ROBO2: variants seen among roughly 807,000 people sequenced by gnomAD.
The protein encoded by ROBO2 is roundabout homolog 2.
In ROBO2, 53 loss-of-function variants were observed where a neutral mutation model predicts 160.8. That is an observed-to-expected ratio of 0.33 (90% CI 0.26 to 0.41). The LOEUF is 0.41. Among genes scored for constraint, ROBO2 ranks in the 10% least tolerant of loss-of-function variants. The pLI, the probability that ROBO2 is intolerant of heterozygous loss-of-function variation, is 1.00. For synonymous variants in ROBO2, 664 were observed against 611.7 expected (o/e 1.09, Z -1.26); for missense variants, 1,577 against 1,722.4 (o/e 0.92, Z 1.49).
At chr3:76,705,450 G>C (rs767353363) in intron 2 of ROBO2, among the ~76,000 whole-genome samples, 2 of 152,114 alleles carry the variant, frequency 1.3e-5, no homozygotes, top group Non-Finnish European at 2.9e-5. Context: ...CTGATAGAGA[G>C]TGTACATTCA....
At chr3:76,374,030 G>A (rs1440047157) in intron 2 of ROBO2, among the ~76,000 whole-genome samples, 1 of 151,874 alleles carries the variant, frequency 6.6e-6, no homozygotes, top group Non-Finnish European at 1.5e-5. Flanking sequence ...GGAGTTCCAA[G>A]AACTTAATAA....
chr3:76,119,472 AT>A (rs2070628301), intron 2 of ROBO2, among the ~76,000 whole-genome samples: 1 of 151,924 alleles, frequency 6.6e-6, no homozygotes, highest in Non-Finnish European at 1.5e-5. Context: ...TTAATAACAT[AT>A]TATAATTATT....
Position 76,126,600 on chromosome 3 carries a change from A to G in ROBO2, c.109+188998A>G, listed in dbSNP as rs1045835226. Among the ~76,000 whole-genome samples the G allele has an allele frequency of 4.6e-5, 7 of 152,242 alleles. No homozygotes were observed. In the East Asian group the frequency reaches 1.2e-3, roughly 25 times the overall value. On this transcript the variant is annotated intron_variant, in intron 2 of 26. Coordinates refer to the ROBO2 transcript ENST00000487694. The stretch of plus-strand genomic sequence containing the variant: ...GAAAAGATTTAAAATTTATCAACAC[A>G]TTTATTTAAGGCATTGCATTCATGA...
chr3:77,142,921 C>T (rs1560099720), intron 2 of ROBO2, among the ~76,000 whole-genome samples: 1 of 152,094 alleles, frequency 6.6e-6, no homozygotes, highest in Non-Finnish European at 1.5e-5. Context: ...GTTTCCCTGC[C>T]CCTTCCTCAG....
In ROBO2 at chr3:76,985,575, GAAAAAAAAAAAA is replaced by G. The variant is rs532632866; in HGVS notation, c.110-112420_110-112409del. On this transcript the variant is annotated intron_variant, in intron 2 of 26. Coordinates refer to the ROBO2 transcript ENST00000487694. ...TGGGCGACAAAGCGAGACTCCGTCT[GAAAAAAAAAAAA>G]AAAAAAAAAAAAAAAAAAGAAGATA... Among the ~76,000 whole-genome samples, 49 of 26,382 alleles carry G rather than the reference GAAAAAAAAAAAA, an allele frequency of 1.9e-3. 2 individuals are homozygous for G. The highest frequency in any genetic ancestry group is 0.026 in the Middle Eastern group (1 of 38). 17.3% of individuals were successfully genotyped at this position (26,382 alleles called of 152,430 possible).
rs533122392 is a variant in ROBO2, at chr3:77,062,080, G to A, written c.61+21234G>A. 2.0e-5 allele frequency among the ~76,000 whole-genome samples: 3 copies of A among 152,204 alleles called. No homozygotes were observed. The East Asian group carries it at 5.8e-4, about 29-fold the overall frequency. ...CATGTCAGTCAAAACTGCATCCTAT[G>A]GTTTTGAGGTGTTTGGGATCCCTTT... On this transcript the variant is annotated intron_variant, in intron 1 of 25. Transcript: ENST00000461745.
At chr3:76,271,579 T>C (rs1437899755) in intron 2 of ROBO2, among the ~76,000 whole-genome samples, 7 of 151,144 alleles carry the variant, frequency 4.6e-5, no homozygotes, top group Non-Finnish European at 1.0e-4. Flanking sequence ...ATGAATAAAC[T>C]AATTTATATT....
At chr3:76,421,071 C>T (rs2075976547) in intron 2 of ROBO2, among the ~76,000 whole-genome samples, 1 of 152,160 alleles carries the variant, frequency 6.6e-6, no homozygotes, top group South Asian at 2.1e-4. Flanking sequence ...CACAATAATG[C>T]TAGGTCAAAA....
At chr3:76,134,321 G>A (rs2071346162) in intron 2 of ROBO2, among the ~76,000 whole-genome samples, 1 of 151,640 alleles carries the variant, frequency 6.6e-6, no homozygotes. Flanking sequence ...GAAAACTGGG[G>A]CAGACACACC....
In ROBO2 at chr3:77,276,589, C is replaced by T. The variant is rs183896144; in HGVS notation, c.388+178249C>T. ...CCCCTTAGAAATGCTTTAATAATTA[C>T]ATTATTCAAAGGCATAGCCAGCCAT... On this transcript the variant is annotated intron_variant, in intron 2 of 25. Transcript: ENST00000461745. Among the ~76,000 whole-genome samples, 548 of 152,180 alleles carry T rather than the reference C, an allele frequency of 3.6e-3. 2 individuals carry two copies. Among genetic ancestry groups the T allele is most frequent in the African/African-American group, 0.011 (462 of 41,516 alleles).
intron 2 of ROBO2, among the ~76,000 whole-genome samples, chr3:77,390,386 G>A (rs1472528860): frequency 6.6e-6 from 1 of 152,140 alleles, no homozygotes; most frequent in Non-Finnish European, 1.5e-5. Flanking sequence ...ATTCCCACGT[G>A]TCATGGGAGG....
At chr3:76,669,341 G>A (rs1055637005) in intron 2 of ROBO2, among the ~76,000 whole-genome samples, 7 of 152,092 alleles carry the variant, frequency 4.6e-5, no homozygotes, top group African/African-American at 7.2e-5. Context: ...CATAAAAAAG[G>A]CAAAAACTTA....
chr3:76,052,298 C>T (rs1308906083), intron 2 of ROBO2, among the ~76,000 whole-genome samples: 6 of 152,020 alleles, frequency 3.9e-5, no homozygotes, highest in Non-Finnish European at 7.4e-5. Flanking sequence ...CAACATTTAT[C>T]ATCTAGCATC....
intron 2 of ROBO2, among the ~76,000 whole-genome samples, chr3:76,562,057 G>C (rs1328289180): frequency 6.6e-6 from 1 of 151,884 alleles, no homozygotes; most frequent in Non-Finnish European, 1.5e-5. Flanking sequence ...TTCATCTCTT[G>C]AGCCTAGCAT....
intron 2 of ROBO2, among the ~76,000 whole-genome samples, chr3:77,268,859 G>T (rs915289777): frequency 6.6e-6 from 1 of 152,204 alleles, no homozygotes; most frequent in Non-Finnish European, 1.5e-5. Context: ...GAAGACCACA[G>T]GTTTCACCAG....
intron 2 of ROBO2, among the ~76,000 whole-genome samples, chr3:75,950,865 C>T (rs1472612060): frequency 6.6e-6 from 1 of 152,086 alleles, no homozygotes; most frequent in Non-Finnish European, 1.5e-5. Flanking sequence ...GGCTGGTTCC[C>T]ACATTGCGTC....
At chr3:76,665,975 A>G (rs1264948676) in intron 2 of ROBO2, among the ~76,000 whole-genome samples, 1 of 139,650 alleles carries the variant, frequency 7.2e-6, no homozygotes, top group Non-Finnish European at 1.5e-5. Flanking sequence ...TAATATATAT[A>G]ATATATACAT....
At chr3:76,819,727 T>C (rs1362314794) in intron 2 of ROBO2, among the ~76,000 whole-genome samples, 1 of 152,078 alleles carries the variant, frequency 6.6e-6, no homozygotes, top group Non-Finnish European at 1.5e-5. Context: ...TAAGTGACCA[T>C]TGGCTTTATG....
intron 2 of ROBO2, among the ~76,000 whole-genome samples, chr3:76,735,157 T>C (rs1428788101): frequency 6.6e-6 from 1 of 152,164 alleles, no homozygotes; most frequent in African/African-American, 2.4e-5. Flanking sequence ...ACAGTGCTAT[T>C]CACAATAGCA....
Sources: allele counts gnomAD v4.1 joint callset (sites outside exome capture counted in the v4.1 genomes callset), GRCh38; gene constraint gnomAD v4.1.1; transcripts MANE v1.5; gene names NCBI Gene and HGNC (gene_info 2026-07-23, HGNC 2026-07-21).